AGBL4: variants seen among roughly 807,000 people sequenced by gnomAD.
AGBL4 encodes AGBL carboxypeptidase 4.
AGBL4 carries 58 observed loss-of-function variants against 66.4 expected under a neutral mutation model. The ratio of observed to expected loss-of-function variants is 0.87; its 90% CI spans 0.71 to 1.09. The LOEUF (loss-of-function observed/expected upper bound fraction) is 1.09. AGBL4 is among the 50% of genes least tolerant of loss of function. The probability of loss-of-function intolerance (pLI) is 0.00; values close to 1 mark genes in which losing one functional copy is unlikely to be tolerated. For synonymous variants in AGBL4, 234 were observed against 222.9 expected (o/e 1.05, Z -0.44); for missense variants, 579 against 631.0 (o/e 0.92, Z 0.88).
intron 3 of AGBL4, among the ~76,000 whole-genome samples, chr1:49,406,829 G>T (rs1260008199): frequency 6.6e-6 from 1 of 151,934 alleles, no homozygotes; most frequent in African/African-American, 2.4e-5. Context: ...ACTTTGGGAG[G>T]CCGAGGTGGG....
At chr1:49,557,673 G>A (rs1161839715) in intron 3 of AGBL4, among the ~76,000 whole-genome samples, 2 of 152,028 alleles carry the variant, frequency 1.3e-5, no homozygotes, top group African/African-American at 2.4e-5. Flanking sequence ...AGTGGTCTGG[G>A]TCTCTAAGTA....
chr1:48,642,879 G>A (rs750890371), intron 8 of AGBL4, among the ~76,000 whole-genome samples: 24 of 152,266 alleles, frequency 1.6e-4, no homozygotes, highest in South Asian at 6.2e-4. Flanking sequence ...TACCTGCACC[G>A]AGCCTGAGAA....
At chr1:49,621,817 A>T (rs1645365718) in intron 3 of AGBL4, among the ~76,000 whole-genome samples, 1 of 152,176 alleles carries the variant, frequency 6.6e-6, no homozygotes, top group Non-Finnish European at 1.5e-5. Flanking sequence ...TGGATTTCAC[A>T]GTTTCAGTTT....
chr1:49,053,496 A>G (rs1253022187), intron 4 of AGBL4, among the ~76,000 whole-genome samples: 4 of 152,100 alleles, frequency 2.6e-5, no homozygotes, highest in Non-Finnish European at 5.9e-5. Context: ...GTAACCTTCA[A>G]GATACATGGA....
chr1:49,429,856 T>C (rs1432662454), intron 3 of AGBL4, among the ~76,000 whole-genome samples: 2 of 151,700 alleles, frequency 1.3e-5, no homozygotes. Flanking sequence ...ATATATTTTT[T>C]TTTTTTTTTT....
chr1:49,445,802 C>T (rs1646141235), intron 3 of AGBL4, among the ~76,000 whole-genome samples: 1 of 151,898 alleles, frequency 6.6e-6, no homozygotes, highest in Non-Finnish European at 1.5e-5. Context: ...TTACAGAATT[C>T]TTTTGTATCT....
chr1:49,452,441 CTG>C (rs952797022), intron 3 of AGBL4, among the ~76,000 whole-genome samples: 1 of 151,846 alleles, frequency 6.6e-6, no homozygotes, highest in Non-Finnish European at 1.5e-5. Context: ...CTTGTCGAAT[CTG>C]TGTTTCTGGA....
intron 8 of AGBL4, among the ~76,000 whole-genome samples, chr1:48,638,184 C>A (rs1189297389): frequency 1.3e-5 from 2 of 152,126 alleles, no homozygotes; most frequent in African/African-American, 4.8e-5. Context: ...GAAAATTCTT[C>A]TTTCCTTTTT....
intron 5 of AGBL4, 68 bp from the exon 6 acceptor site, chr1:48,867,298 G>C: frequency 1.9e-5 from 28 of 1,488,976 alleles, no homozygotes; most frequent in Non-Finnish European, 2.6e-5. Flanking sequence ...TAGCAGGTCA[G>C]GGCGGACAAG....
intron 4 of AGBL4, among the ~76,000 whole-genome samples, chr1:49,103,438 T>A (rs953032296): frequency 6.6e-6 from 1 of 152,096 alleles, no homozygotes; most frequent in Non-Finnish European, 1.5e-5. Flanking sequence ...TTTAGAATGT[T>A]AAAGCTGTCA....
chr1:49,273,822 C>T (rs867766724), intron 3 of AGBL4, among the ~76,000 whole-genome samples: 22 of 152,108 alleles, frequency 1.4e-4, no homozygotes, highest in East Asian at 1.9e-4. Context: ...ACTACAGGCA[C>T]GTGCCACCAT....
At chr1:49,086,989 A>G (rs1468994423) in intron 4 of AGBL4, among the ~76,000 whole-genome samples, 1 of 151,938 alleles carries the variant, frequency 6.6e-6, no homozygotes, top group African/African-American at 2.4e-5. Flanking sequence ...CCCACCTTAT[A>G]CCACAATCAA....
At chr1:48,539,547 G>T in intron 12 of AGBL4, 95 bp downstream of exon 12, 1 of 938,636 alleles carries the variant, frequency 1.1e-6, no homozygotes, top group Non-Finnish European at 1.5e-6. Flanking sequence ...GCACAGATGG[G>T]ATGCTGAGTG....
intron 3 of AGBL4, among the ~76,000 whole-genome samples, chr1:49,522,198 TCTCTTTATCATAGATCCACCATTTA>T (rs1425369169): frequency 2.0e-5 from 3 of 152,242 alleles, no homozygotes; most frequent in African/African-American, 7.2e-5. Context: ...ATTGTAATTT[TCTCTTTATCATAGATCCACCATTTA>T]CTATCTGTAT....
chr1:49,326,130 T>A (rs1570440371), intron 3 of AGBL4, among the ~76,000 whole-genome samples: 1 of 152,356 alleles, frequency 6.6e-6, no homozygotes, highest in East Asian at 1.9e-4. Flanking sequence ...TTGGATCATT[T>A]GTCTTTACCC....
chr1:49,708,413 A>G (rs139088924), intron 2 of AGBL4, among the ~76,000 whole-genome samples: 3 of 152,064 alleles, frequency 2.0e-5, no homozygotes, highest in Non-Finnish European at 2.9e-5. Flanking sequence ...CAGTTCATTT[A>G]TGTTCTTCTC....
intron 4 of AGBL4, among the ~76,000 whole-genome samples, chr1:49,229,303 C>T (rs1650132277): frequency 6.6e-6 from 1 of 152,154 alleles, no homozygotes; most frequent in Non-Finnish European, 1.5e-5. Context: ...CTACATCTAA[C>T]AAAAGTATTT....
chr1:49,207,578 CT>C (rs1241398259), intron 4 of AGBL4, among the ~76,000 whole-genome samples: 4 of 108,560 alleles, frequency 3.7e-5, no homozygotes, highest in African/African-American at 1.5e-4. Flanking sequence ...TTCTTTCTTT[CT>C]TTCTTTCTTT....
intron 6 of AGBL4, among the ~76,000 whole-genome samples, chr1:48,823,732 C>T (rs1054195321): frequency 2.0e-5 from 3 of 152,204 alleles, no homozygotes; most frequent in Non-Finnish European, 4.4e-5. Flanking sequence ...TCTGATTCTC[C>T]TGTTTCCCAG....
Sources: gnomAD v4.1 joint callset for allele counts (sites outside exome capture counted in the v4.1 genomes callset) on GRCh38, gnomAD v4.1.1 for gene constraint, MANE v1.5 for transcripts, NCBI Gene and HGNC (gene_info 2026-07-23, HGNC 2026-07-21) for gene names.